Variants in PTPRN2 observed in about 807,000 individuals in gnomAD.
PTPRN2 encodes protein tyrosine phosphatase receptor type N2, also known as receptor-type tyrosine-protein phosphatase N2.
A neutral mutation model predicts 118.8 loss-of-function variants in PTPRN2; 74 were observed. The observed-to-expected ratio is 0.62, with a 90% CI of 0.52 to 0.76. The LOEUF is 0.76. PTPRN2 is among the 30% of genes least tolerant of loss of function. PTPRN2 has a pLI of 0.00. For synonymous variants in PTPRN2, 641 were observed against 608.0 expected (o/e 1.05, Z -0.80); for missense variants, 1,481 against 1,394.4 (o/e 1.06, Z -0.99).
intron 5 of PTPRN2, among the ~76,000 whole-genome samples, chr7:158,188,738 G>T (rs71545572): frequency 1.0e-5 from 1 of 96,756 alleles, no homozygotes; most frequent in East Asian, 3.2e-4. Flanking sequence ...CACGCTCGCC[G>T]CCTTGTATGG....
intron 5 of PTPRN2, among the ~76,000 whole-genome samples, chr7:158,188,364 A>T (rs1490794447): frequency 5.2e-4 from 4 of 7,666 alleles, no homozygotes; most frequent in South Asian, 4.2e-3. Flanking sequence ...TCGCCGCCTG[A>T]TGGGGAAGGC....
At chr7:157,684,433 G>A (rs1449510427) in intron 12 of PTPRN2, among the ~76,000 whole-genome samples, 1 of 147,162 alleles carries the variant, frequency 6.8e-6, no homozygotes, top group South Asian at 2.2e-4. Flanking sequence ...GTGGGGGAGG[G>A]GAGTGAGCAG....
chr7:157,778,684 T>C (rs1331257506), intron 12 of PTPRN2, among the ~76,000 whole-genome samples: 1 of 152,006 alleles, frequency 6.6e-6, no homozygotes, highest in African/African-American at 2.4e-5. Context: ...CATGTCCATG[T>C]GAATACATGC....
chr7:158,091,525 T>C (rs1487371922), intron 10 of PTPRN2, among the ~76,000 whole-genome samples: 2 of 152,236 alleles, frequency 1.3e-5, no homozygotes, highest in Non-Finnish European at 2.9e-5. Context: ...CTGTGCTTTA[T>C]CTATTTGACA....
intron 1 of PTPRN2, among the ~76,000 whole-genome samples, chr7:158,503,372 G>A (rs531325992): frequency 6.6e-6 from 1 of 152,344 alleles, no homozygotes; most frequent in Admixed American, 6.5e-5. Flanking sequence ...CCATGTGCAG[G>A]TTTAATCAAC....
chr7:158,097,585 C>A (rs962528487), intron 10 of PTPRN2, among the ~76,000 whole-genome samples: 3 of 152,148 alleles, frequency 2.0e-5, no homozygotes, highest in African/African-American at 4.8e-5. Context: ...CTCAGGGGCT[C>A]GTGGGAATGT....
chr7:158,325,689 T>A (rs1803446307), intron 2 of PTPRN2, among the ~76,000 whole-genome samples: 2 of 152,166 alleles, frequency 1.3e-5, no homozygotes, highest in Admixed American at 1.3e-4. Flanking sequence ...GGAGGCTGTA[T>A]TCCGACAAGA....
chr7:158,532,408 A>G (rs1461938082), intron 1 of PTPRN2, among the ~76,000 whole-genome samples: 2 of 152,192 alleles, frequency 1.3e-5, no homozygotes, highest in Non-Finnish European at 2.9e-5. Context: ...TCAAACAGGC[A>G]TCAGAGCATT....
intron 12 of PTPRN2, among the ~76,000 whole-genome samples, chr7:157,833,179 G>T (rs556092314): frequency 1.5e-4 from 23 of 151,330 alleles, no homozygotes; most frequent in Non-Finnish European, 3.2e-4. Flanking sequence ...ATGCGACGTG[G>T]CCAGCGCCCA....
chr7:158,225,202 A>G (rs1278752286), intron 3 of PTPRN2, among the ~76,000 whole-genome samples: 1 of 152,104 alleles, frequency 6.6e-6, no homozygotes, highest in East Asian at 1.9e-4. Flanking sequence ...TACTTATCAT[A>G]AGACACAAAA....
intron 10 of PTPRN2, among the ~76,000 whole-genome samples, chr7:158,098,110 G>T (rs990171391): frequency 1.3e-5 from 2 of 152,212 alleles, no homozygotes; most frequent in African/African-American, 4.8e-5. Flanking sequence ...ACAGGACGTG[G>T]AAGTAAGGCT....
chr7:158,368,675 C>T (rs1261026322), intron 2 of PTPRN2, among the ~76,000 whole-genome samples: 5 of 152,194 alleles, frequency 3.3e-5, no homozygotes, highest in African/African-American at 1.2e-4. Flanking sequence ...GGGGGCTCCC[C>T]AGGGAGGAAG....
At chr7:158,558,530 C>G (rs1432523906) in intron 1 of PTPRN2, among the ~76,000 whole-genome samples, 2 of 152,100 alleles carry the variant, frequency 1.3e-5, no homozygotes, top group Non-Finnish European at 2.9e-5. Context: ...CTGGCACCTG[C>G]AGAGCCCAGC....
At chr7:157,628,426 A>G (rs1252229058) in intron 14 of PTPRN2, among the ~76,000 whole-genome samples, 1 of 152,224 alleles carries the variant, frequency 6.6e-6, no homozygotes, top group African/African-American at 2.4e-5. Flanking sequence ...TGTCACTCGC[A>G]GAGATGAACA....
At chr7:158,342,764 G>A (rs537758358) in intron 2 of PTPRN2, among the ~76,000 whole-genome samples, 15 of 152,244 alleles carry the variant, frequency 9.9e-5, no homozygotes, top group Admixed American at 3.3e-4. Context: ...AATGGGCAGC[G>A]GCAGGAAAGT....
chr7:157,778,547 G>A (rs1803480256), intron 12 of PTPRN2, among the ~76,000 whole-genome samples: 2 of 152,096 alleles, frequency 1.3e-5, no homozygotes, highest in South Asian at 4.1e-4. Flanking sequence ...GAATACAGGT[G>A]TTGGATGCCC....
intron 18 of PTPRN2, 101 bp downstream of exon 18, chr7:157,577,920 T>A: frequency 7.2e-7 from 1 of 1,387,124 alleles, no homozygotes; most frequent in Non-Finnish European, 9.5e-7. Flanking sequence ...CCTCCCTGCA[T>A]GCGGCCCTGG....
chr7:157,661,178 C>T (rs372453546), intron 13 of PTPRN2, among the ~76,000 whole-genome samples: 11 of 152,266 alleles, frequency 7.2e-5, no homozygotes, highest in African/African-American at 2.4e-4. Flanking sequence ...TCAGCGGGGA[C>T]CCGCGGCTCT....
At position 157,598,606 on chromosome 7, in the gene PTPRN2, G is replaced by A. The variant is rs191907352; in HGVS notation, c.2419-3291C>T. Among the ~76,000 whole-genome samples the A allele has an allele frequency of 5.3e-5, 8 of 152,356 alleles. No homozygotes were observed. In the East Asian group the frequency reaches 5.8e-4, roughly 11 times the overall value. ...CCTTTAGCTCTGGATTCCAGTGCAC[G>A]TGCATGTGCAGACTCGTCTGTGTGT... On this transcript the variant is annotated intron_variant, in intron 16 of 22. Transcript: ENST00000389418. This position sits in a 1 kb window ranked among gnomAD's most constrained non-coding sequence, Gnocchi z 5.2.
Sources: allele counts gnomAD v4.1 joint callset (sites outside exome capture counted in the v4.1 genomes callset), GRCh38; gene constraint gnomAD v4.1.1; non-coding constraint Gnocchi (gnomAD v3.1); transcripts MANE v1.5; gene names NCBI Gene and HGNC (gene_info 2026-07-23, HGNC 2026-07-21).